Variants in PCED1B observed in about 807,000 individuals in gnomAD.
PCED1B encodes the protein PC-esterase domain containing 1B, also known as PC-esterase domain-containing protein 1B.
For missense variants in PCED1B, 573 were observed against 573.9 expected (o/e 1.00, Z 0.02); for synonymous variants, 251 against 246.1 (o/e 1.02, Z -0.19).
chr12:47,134,338 TCTTC>T (rs1296370344), intron 2 of PCED1B, among the ~76,000 whole-genome samples: 1 of 152,248 alleles, frequency 6.6e-6, no homozygotes, highest in Admixed American at 6.5e-5. Context: ...TTTCTTCTTT[TCTTC>T]CTTTTGTCCT....
intron 2 of PCED1B, chr12:47,208,393 C>T (rs1294523270): frequency 1.3e-5 from 2 of 152,254 alleles, no homozygotes; most frequent in Admixed American, 6.6e-5. Context: ...CCACCACCCT[C>T]AGCTAATTTT....
intron 2 of PCED1B, among the ~76,000 whole-genome samples, chr12:47,166,920 A>G (rs186009219): frequency 7.2e-5 from 11 of 152,346 alleles, no homozygotes; most frequent in Admixed American, 2.6e-4. Context: ...ACCAGAGTTT[A>G]TAAAGAAAAA....
intron 2 of PCED1B, among the ~76,000 whole-genome samples, chr12:47,213,672 T>A (rs1253318548): frequency 6.6e-6 from 1 of 152,216 alleles, no homozygotes; most frequent in Non-Finnish European, 1.5e-5. Context: ...GAAAGCACAT[T>A]CACAGGGTAA....
chr12:47,125,684 C>T (rs1047478661), intron 2 of PCED1B, among the ~76,000 whole-genome samples: 2 of 151,978 alleles, frequency 1.3e-5, no homozygotes, highest in African/African-American at 2.4e-5. Context: ...CTTTTCTAAG[C>T]AGTGTTTTGT....
intron 2 of PCED1B, among the ~76,000 whole-genome samples, chr12:47,178,101 C>A (rs193001523): frequency 1.3e-5 from 2 of 152,290 alleles, no homozygotes; most frequent in African/African-American, 4.8e-5. Flanking sequence ...TAAGGGCCCA[C>A]ATGACCAAGA....
intron 2 of PCED1B, among the ~76,000 whole-genome samples, chr12:47,117,652 A>G (rs1294762619): frequency 5.3e-5 from 8 of 152,160 alleles, no homozygotes; most frequent in Non-Finnish European, 1.0e-4. Flanking sequence ...GTGCCGCAAT[A>G]AACATACGTG....
chr12:47,160,256 TTTTTC>T (rs1301484210), intron 2 of PCED1B, among the ~76,000 whole-genome samples: 3 of 151,590 alleles, frequency 2.0e-5, no homozygotes, highest in African/African-American at 4.8e-5. Flanking sequence ...TTGTTGGCTG[TTTTTC>T]TTTTCTTTTC....
intron 2 of PCED1B, among the ~76,000 whole-genome samples, chr12:47,118,118 A>T (rs1011144620): frequency 1.3e-5 from 2 of 151,970 alleles, no homozygotes; most frequent in African/African-American, 2.4e-5. Flanking sequence ...AGATTGCAAA[A>T]ATTTTCTCCC....
intron 2 of PCED1B, among the ~76,000 whole-genome samples, chr12:47,108,667 C>A (rs1255367799): frequency 1.3e-5 from 2 of 152,188 alleles, no homozygotes; most frequent in Admixed American, 1.3e-4. Context: ...AACAGAATGG[C>A]ATCATCTTTA....
intron 3 of PCED1B, among the ~76,000 whole-genome samples, chr12:47,228,779 A>C (rs181275734): frequency 9.9e-5 from 15 of 151,930 alleles, no homozygotes; most frequent in Admixed American, 9.8e-4. Context: ...AGGCTGAGGC[A>C]GGAGAATCGC....
At chr12:47,083,519 A>G (rs1454240208) in intron 1 of PCED1B, among the ~76,000 whole-genome samples, 2 of 152,114 alleles carry the variant, frequency 1.3e-5, no homozygotes, top group Admixed American at 6.5e-5. Context: ...CCCAACAACT[A>G]TGGAAGTGCA....
chr12:47,217,470 G>GAAAAAAAA (rs1555155044), intron 3 of PCED1B, among the ~76,000 whole-genome samples: 1 of 90,870 alleles, frequency 1.1e-5, no homozygotes, highest in African/African-American at 5.0e-5. Flanking sequence ...AAGAAAGAAA[G>GAAAAAAAA]AGAAAGAAAG....
chr12:47,107,628 C>G (rs999544045), intron 2 of PCED1B, among the ~76,000 whole-genome samples: 8 of 152,172 alleles, frequency 5.3e-5, no homozygotes, highest in Non-Finnish European at 1.2e-4. Context: ...GGAGGTGGCA[C>G]AGGCACCAAC....
chr12:47,098,039 A>G (rs1938550956), intron 1 of PCED1B, among the ~76,000 whole-genome samples: 2 of 152,156 alleles, frequency 1.3e-5, no homozygotes, highest in Non-Finnish European at 2.9e-5. Context: ...AAAAGGAGGC[A>G]TTTGCTTTTG....
chr12:47,196,127 CATTTTTA>C (rs1942596019), intron 2 of PCED1B, among the ~76,000 whole-genome samples: 2 of 152,170 alleles, frequency 1.3e-5, no homozygotes, highest in South Asian at 4.1e-4. Context: ...AATATATTGA[CATTTTTA>C]AAGTAGAGTG....
intron 3 of PCED1B, among the ~76,000 whole-genome samples, chr12:47,226,135 C>T (rs1040889492): frequency 6.6e-6 from 1 of 152,062 alleles, no homozygotes; most frequent in Non-Finnish European, 1.5e-5. Flanking sequence ...CCAAAATTTA[C>T]TTTGAAAACA....
At chr12:47,142,115 G>T (rs1287309797) in intron 2 of PCED1B, among the ~76,000 whole-genome samples, 1 of 152,156 alleles carries the variant, frequency 6.6e-6, no homozygotes, top group Non-Finnish European at 1.5e-5. Flanking sequence ...GTGGACCCTT[G>T]TCCCAGAACC....
chr12:47,214,651 AAAAAG>A (rs1305343085), intron 2 of PCED1B, among the ~76,000 whole-genome samples: 1 of 152,188 alleles, frequency 6.6e-6, no homozygotes, highest in African/African-American at 2.4e-5. Context: ...CAATTCAAAA[AAAAAG>A]AAAAGAAAAG....
At chr12:47,195,050 G>A (rs1942558684) in intron 2 of PCED1B, among the ~76,000 whole-genome samples, 1 of 152,112 alleles carries the variant, frequency 6.6e-6, no homozygotes. Context: ...TCTAAAAGTA[G>A]GCCGGGCGCG....
Sources: gnomAD v4.1 joint callset for allele counts (sites outside exome capture counted in the v4.1 genomes callset) on GRCh38, gnomAD v4.1.1 for gene constraint, MANE v1.5 for transcripts, NCBI Gene and HGNC (gene_info 2026-07-23, HGNC 2026-07-21) for gene names.